LURAP1L: variants seen among roughly 807,000 people sequenced by gnomAD.
LURAP1L encodes the protein leucine rich adaptor protein 1-like.
Under a neutral mutation model 13.8 loss-of-function variants are expected in LURAP1L, and 12 were observed. The observed-to-expected ratio is 0.87, with a 90% CI of 0.56 to 1.41. The LOEUF (loss-of-function observed/expected upper bound fraction) is 1.41. LURAP1L is among the 40% of genes most tolerant of loss of function. The pLI, the probability that LURAP1L is intolerant of heterozygous loss-of-function variation, is 0.00. For missense variants in LURAP1L, 375 were observed against 292.9 expected (o/e 1.28, Z -2.04); for synonymous variants, 139 against 119.2 (o/e 1.17, Z -1.08).
At chr9:12,820,339 C>G (rs1450085215) in intron 1 of LURAP1L, among the ~76,000 whole-genome samples, 1 of 152,026 alleles carries the variant, frequency 6.6e-6, no homozygotes, top group Non-Finnish European at 1.5e-5. Flanking sequence ...TCCGTCTCTA[C>G]TAAAAATACA....
chr9:12,780,962 T>G (rs1165554789), intron 1 of LURAP1L, among the ~76,000 whole-genome samples: 1 of 151,942 alleles, frequency 6.6e-6, no homozygotes, highest in East Asian at 1.9e-4. Context: ...CTTTTAGTTA[T>G]TATTATTATT....
At chr9:12,820,504 C>CG (rs1554659915) in intron 1 of LURAP1L, among the ~76,000 whole-genome samples, 1 of 58,988 alleles carries the variant, frequency 1.7e-5, no homozygotes, top group South Asian at 1.1e-3. Context: ...CTCCGTCCCC[C>CG]CCCCCCCCCC....
At position 12,780,384 on chromosome 9, in the gene LURAP1L, T is replaced by TGA. The variant is rs149676309; in HGVS notation, c.312+4357_312+4358insGA. Among the ~76,000 whole-genome samples the TGA allele has an allele frequency of 2.0e-5, 3 of 147,458 alleles. No individual in the cohort carries two copies. In the South Asian group the frequency reaches 7.3e-4, roughly 36 times the overall value. On this transcript the variant is annotated intron_variant, in intron 1 of 1. Transcript: ENST00000319264. The stretch of plus-strand genomic sequence containing the variant: ...GAATTCACAAGGAAAAAAAACAAGG[T>TGA]TATATTTCAAAAGTCTCGATCTTAG...
intron 1 of LURAP1L, among the ~76,000 whole-genome samples, chr9:12,799,219 G>A (rs1033651763): frequency 2.0e-5 from 3 of 152,166 alleles, no homozygotes; most frequent in Admixed American, 2.0e-4. Flanking sequence ...ATAGAACGCA[G>A]TACTCTGACT....
chr9:12,812,638 A>G (rs141427539), intron 1 of LURAP1L, among the ~76,000 whole-genome samples: 10 of 152,326 alleles, frequency 6.6e-5, no homozygotes, highest in African/African-American at 2.4e-4. Context: ...TAATTATAGT[A>G]TCAAGAAATT....
intron 1 of LURAP1L, among the ~76,000 whole-genome samples, chr9:12,817,899 C>G (rs1392850433): frequency 6.6e-6 from 1 of 152,148 alleles, no homozygotes; most frequent in Non-Finnish European, 1.5e-5. Flanking sequence ...GCTGGGCCAG[C>G]CCAGGACTCT....
At chr9:12,784,850 T>C (rs1819327873) in intron 1 of LURAP1L, among the ~76,000 whole-genome samples, 2 of 150,296 alleles carry the variant, frequency 1.3e-5, no homozygotes, top group African/African-American at 4.9e-5. Flanking sequence ...AGTCGGGAAC[T>C]TTAGGAATCT....
intron 1 of LURAP1L, among the ~76,000 whole-genome samples, chr9:12,776,237 G>T (rs1563883758): frequency 6.6e-6 from 1 of 152,130 alleles, no homozygotes; most frequent in Non-Finnish European, 1.5e-5. Context: ...GCTCGGTCAC[G>T]GTTTGCAAAG....
Position 12,775,646 on chromosome 9 carries a change from C to T in LURAP1L, c.-70C>T, listed in dbSNP as rs1470276586. 4 of 1,511,502 alleles carry T rather than the reference C, an allele frequency of 2.6e-6. No individual in the cohort carries two copies. In the African/African-American group the frequency reaches 4.2e-5, roughly 16 times the overall value. The allele number at this position is 1,511,502 out of a possible 1,614,324, so 93.6% of individuals were successfully genotyped here. ...CCGGAGAGGTCTGCTGATTTCGCAGCAGCCTTCGAAGCCGTGGCTGCCTTT... is the reference window on the plus strand; with the variant it reads ...CCGGAGAGGTCTGCTGATTTCGCAGTAGCCTTCGAAGCCGTGGCTGCCTTT... On this transcript the variant is annotated 5_prime_UTR_variant, in exon 1 of 2. Coordinates refer to ENST00000319264, the MANE Select transcript of LURAP1L (RefSeq NM_203403.2).
intron 1 of LURAP1L, among the ~76,000 whole-genome samples, chr9:12,817,733 C>T (rs985566910): frequency 1.3e-5 from 2 of 152,162 alleles, no homozygotes; most frequent in Admixed American, 6.5e-5. Flanking sequence ...GGCTAGACTT[C>T]ATTAAGACTG....
At chr9:12,803,600 A>G (rs938589773) in intron 1 of LURAP1L, among the ~76,000 whole-genome samples, 1 of 152,226 alleles carries the variant, frequency 6.6e-6, no homozygotes, top group African/African-American at 2.4e-5. Flanking sequence ...ATCACATTCA[A>G]AGGAGAGCAA....
intron 1 of LURAP1L, among the ~76,000 whole-genome samples, chr9:12,783,564 G>A (rs1354338128): frequency 6.6e-6 from 1 of 152,148 alleles, no homozygotes; most frequent in Non-Finnish European, 1.5e-5. Flanking sequence ...ACTTGGTCAT[G>A]ATGAATGATT....
Position 12,792,520 on chromosome 9 carries a change from A to G in LURAP1L, c.312+16493A>G, listed in dbSNP as rs568824142. On this transcript the variant is annotated intron_variant, in intron 1 of 1. Transcript: ENST00000319264. ...GCATACATTTAAATACAATATTTGC[A>G]GCATATATTTGCTAGGATAGAGTAT... is the stretch of plus-strand genomic sequence containing the variant. Among the ~76,000 whole-genome samples the G allele has an allele frequency of 2.6e-5, 4 of 152,238 alleles. No individual in the cohort carries two copies. The East Asian group carries it at 7.7e-4, about 29-fold the overall frequency.
At chr9:12,820,626 TAGTC>T (rs1055594660) in intron 1 of LURAP1L, among the ~76,000 whole-genome samples, 31 of 149,402 alleles carry the variant, frequency 2.1e-4, no homozygotes, top group African/African-American at 7.1e-4. Context: ...CTGAAACAAA[TAGTC>T]AGATATACAG....
At position 12,806,002 on chromosome 9, in the gene LURAP1L, C is replaced by T. The variant is rs1028778159; in HGVS notation, c.313-15384C>T. On this transcript the variant is annotated intron_variant, in intron 1 of 1. Transcript: ENST00000319264. ...GAATCAGAAGACAAATCTGACAGTC[C>T]GAAAGGGAAAATTCTATTGCTGTTT... Among the ~76,000 whole-genome samples the T allele has an allele frequency of 2.8e-4, 42 of 152,052 alleles. 1 individual carries two copies. Among genetic ancestry groups the T allele is most frequent in the Admixed American group, 2.3e-3 (35 of 15,268 alleles).
At chr9:12,796,077 C>G (rs1294224212) in intron 1 of LURAP1L, among the ~76,000 whole-genome samples, 2 of 151,882 alleles carry the variant, frequency 1.3e-5, no homozygotes, top group Non-Finnish European at 2.9e-5. Flanking sequence ...ATCATGAATG[C>G]TTGTGACCTT....
At chr9:12,805,111 T>C (rs1418385868) in intron 1 of LURAP1L, among the ~76,000 whole-genome samples, 1 of 152,132 alleles carries the variant, frequency 6.6e-6, no homozygotes, top group Non-Finnish European at 1.5e-5. Context: ...ACCAAACCAA[T>C]ATATATCTAA....
At chr9:12,802,351 C>T (rs1819598622) in intron 1 of LURAP1L, among the ~76,000 whole-genome samples, 1 of 152,074 alleles carries the variant, frequency 6.6e-6, no homozygotes, top group Admixed American at 6.5e-5. Context: ...GGTGGTGATT[C>T]CTCATGGTTT....
At position 12,822,912 on chromosome 9, in the gene LURAP1L, CA is replaced by C. The variant is rs1819901014; in HGVS notation, c.*1155del. ...TTTCCGGACTAAACACTCTATAATA[CA>C]AATCAAAAAATCTTCCTTCTTATAA... On this transcript the variant is annotated 3_prime_UTR_variant, in exon 2 of 2. Transcript: ENST00000319264. Among the ~76,000 whole-genome samples the C allele has an allele frequency of 6.6e-6, 1 of 152,110 alleles. No homozygotes were observed. The highest frequency in any genetic ancestry group is 1.5e-5 in the Non-Finnish European group (1 of 67,994).
Sources: allele counts gnomAD v4.1 joint callset (sites outside exome capture counted in the v4.1 genomes callset), GRCh38; gene constraint gnomAD v4.1.1; transcripts MANE v1.5; gene names NCBI Gene and HGNC (gene_info 2026-07-23, HGNC 2026-07-21).